TRPM4: variants seen among roughly 807,000 people sequenced by gnomAD.
TRPM4 encodes transient receptor potential cation channel subfamily M member 4, also known as calcium-activated non-selective cation channel 1.
Under a neutral mutation model 135.6 loss-of-function variants are expected in TRPM4, and 124 were observed. That is an observed-to-expected ratio of 0.91 (90% CI 0.79 to 1.06). The LOEUF is 1.06. Among genes scored for constraint, TRPM4 ranks in the 50% least tolerant of loss-of-function variants. The pLI is 0.00. For missense variants in TRPM4, 1,658 were observed against 1,671.4 expected, an observed-to-expected ratio of 0.99 and a Z score of 0.14; for synonymous variants, 745 against 705.6, an observed-to-expected ratio of 1.06 and a Z score of -0.88.
rs1968656938 is a variant in TRPM4 at position 49,196,660 on chromosome 19, G to A, written c.2431G>A (p.Gly811Ser). Residue 811 changes from glycine (G) to serine (S), a missense_variant, in exon 17 of 25, where the codon GGC becomes AGC. Gly to Ser is a moderately conservative substitution (Grantham distance 56). Coordinates refer to ENST00000252826, the MANE Select transcript of TRPM4 (RefSeq NM_017636.4). ...CGTGGATTTCCAGCCGGCGCCGCCC[G>A]GCTCCCTGGAGCTGCTGCTCTATTT... ...LLVDFQPAPP[G>S]SLELLLYFWA... 6.5e-7 allele frequency: 1 copy of A among 1,546,774 alleles called. No homozygotes were observed. Among genetic ancestry groups the A allele is most frequent in the East Asian group, 2.4e-5 (1 of 41,394 alleles).
At chr19:49,209,783 C>G (rs570309018) in intron 20 of TRPM4, among the ~76,000 whole-genome samples, 4 of 132,792 alleles carry the variant, frequency 3.0e-5, no homozygotes, top group African/African-American at 1.1e-4. Context: ...GAGTCTTACT[C>G]TGTCTCCCAG....
intron 2 of TRPM4, among the ~76,000 whole-genome samples, chr19:49,163,205 T>A (rs920078244): frequency 9.9e-5 from 15 of 151,256 alleles, no homozygotes; most frequent in Non-Finnish European, 1.8e-4. Flanking sequence ...ATTATTTTTT[T>A]TTTTTTTTGA....
At chr19:49,169,924 G>A (rs1038177787) in intron 6 of TRPM4, among the ~76,000 whole-genome samples, 2 of 152,066 alleles carry the variant, frequency 1.3e-5, no homozygotes, top group African/African-American at 4.8e-5. Flanking sequence ...GAAAGTTTTT[G>A]ATTTTTGTGT....
chr19:49,173,416 C>T (rs1568463609), intron 9 of TRPM4, among the ~76,000 whole-genome samples: 1 of 152,220 alleles, frequency 6.6e-6, no homozygotes, highest in Non-Finnish European at 1.5e-5. Flanking sequence ...TACCCATCTA[C>T]CCATCCATCT....
In TRPM4 at chr19:49,168,390, G is replaced by A. The variant is rs1967315143; in HGVS notation, c.579G>A (p.Val193=). The A allele has an allele frequency of 6.2e-7, 1 of 1,614,058 alleles. No individual in the cohort carries two copies. The highest frequency in any genetic ancestry group is 1.1e-5 in the South Asian group (1 of 91,082). Residue 193 remains valine, a synonymous_variant, in exon 5 of 25, where the codon GTG becomes GTA. Coordinates refer to ENST00000252826, the MANE Select transcript of TRPM4 (RefSeq NM_017636.4). The part of the protein sequence containing the change: ...VVAMGVAPWG[V]VRNRDTLINP... ...CCATGGGTGTGGCCCCCTGGGGTGT[G>A]GTCCGGAATAGAGACACCCTCATCA...
At chr19:49,164,027 C>T (rs1401546283) in intron 2 of TRPM4, among the ~76,000 whole-genome samples, 1 of 152,128 alleles carries the variant, frequency 6.6e-6, no homozygotes, top group East Asian at 1.9e-4. Flanking sequence ...ATCAGTTAGC[C>T]GTTCTTTTAG....
chr19:49,173,977 T>C (rs2122854876), intron 9 of TRPM4, among the ~76,000 whole-genome samples: 1 of 151,874 alleles, frequency 6.6e-6, no homozygotes, highest in South Asian at 2.1e-4. Context: ...CCTCCTTTAT[T>C]TAGTCAACAA....
At chr19:49,189,492 T>A (rs1418827873) in intron 14 of TRPM4, among the ~76,000 whole-genome samples, 1 of 148,918 alleles carries the variant, frequency 6.7e-6, no homozygotes, top group African/African-American at 2.6e-5. Flanking sequence ...CCTTTAGAGG[T>A]CCCTAGTTTC....
intron 2 of TRPM4, among the ~76,000 whole-genome samples, chr19:49,163,697 A>G (rs1967057731): frequency 6.6e-6 from 1 of 151,940 alleles, no homozygotes; most frequent in Non-Finnish European, 1.5e-5. Flanking sequence ...GTCTCGCTCT[A>G]TTGCCCAGGC....
chr19:49,191,413 C>G (rs923997168), intron 16 of TRPM4, among the ~76,000 whole-genome samples: 1 of 151,998 alleles, frequency 6.6e-6, no homozygotes, highest in African/African-American at 2.4e-5. Flanking sequence ...ACCATGTTGG[C>G]CAGGCTGGTG....
chr19:49,173,981 T>C (rs564861301), intron 9 of TRPM4, among the ~76,000 whole-genome samples: 1 of 151,640 alleles, frequency 6.6e-6, no homozygotes, highest in African/African-American at 2.4e-5. Context: ...CTTTATTTAG[T>C]CAACAAATAC....
Position 49,190,757 on chromosome 19 carries a change from G to A in TRPM4, c.2194G>A (p.Gly732Arg), listed in dbSNP as rs1460978899. ...LEFDMDSVIN[G>R]EGPVGTADPA... ...GTTTGACATGGATAGTGTCATTAAT[G>A]GGGAAGGGCCTGTCGGGTGAGTGGA... Residue 732 changes from glycine (G) to arginine (R), a missense_variant, in exon 16 of 25, where the codon GGG (glycine) becomes AGG (arginine). Gly to Arg is a moderately radical substitution (Grantham distance 125). Transcript: ENST00000252826. 3.7e-6 allele frequency: 6 copies of A among 1,614,182 alleles called. No individual in the cohort carries two copies. In the East Asian group the frequency reaches 1.3e-4, roughly 36 times the overall value.
chr19:49,209,675 T>C (rs1329544975), intron 20 of TRPM4, among the ~76,000 whole-genome samples: 3 of 151,642 alleles, frequency 2.0e-5, no homozygotes, highest in Non-Finnish European at 1.5e-5. Context: ...GACTTCAACC[T>C]CCACCTTATA....
intron 2 of TRPM4, among the ~76,000 whole-genome samples, chr19:49,164,909 A>AT (rs201460571): frequency 0.013 from 2,011 of 150,208 alleles, 39 homozygotes; most frequent in Middle Eastern, 0.028. Context: ...ATTTTATTTT[A>AT]TTTATTTATT....
intron 20 of TRPM4, among the ~76,000 whole-genome samples, chr19:49,203,125 TCG>T (rs1969002189): frequency 6.6e-6 from 1 of 150,604 alleles, no homozygotes. Flanking sequence ...TCTCCTGACC[TCG>T]TGATCCACCC....
At chr19:49,187,074 G>A (rs1325069940) in intron 12 of TRPM4, among the ~76,000 whole-genome samples, 2 of 152,106 alleles carry the variant, frequency 1.3e-5, no homozygotes, top group Non-Finnish European at 2.9e-5. Context: ...CACCAGGAAT[G>A]TGTGTCTTTG....
chr19:49,197,387 CTCTTT>C (rs1215754982), intron 17 of TRPM4, among the ~76,000 whole-genome samples: 38 of 118,296 alleles, frequency 3.2e-4, no homozygotes, highest in East Asian at 1.9e-3. Flanking sequence ...TTCTTTCTTT[CTCTTT>C]TCTTTTCCTT....
rs1398619990 is a variant in TRPM4, at chr19:49,211,733, G to A, written c.*235G>A. 1.6e-5 allele frequency: 10 copies of A among 614,402 alleles called. No individual in the cohort carries two copies. The highest frequency in any genetic ancestry group is 2.0e-5 in the Non-Finnish European group (7 of 347,224). 38.1% of individuals were successfully genotyped at this position (614,402 alleles called of 1,614,324 possible). A position where few individuals can be genotyped will look rare whatever the true frequency, so the allele number is the denominator to read the frequency against. On this transcript the variant is annotated 3_prime_UTR_variant, in exon 25 of 25. Transcript: ENST00000252826. The surrounding 1 kb of genome is among the most constrained non-coding windows in gnomAD (Gnocchi z 4.8). ...AGGATCAAGGCCTGGATCCCGGGCC[G>A]TTATCCATCTGGAGGCTGCAGGGTC...
chr19:49,200,530 C>T, intron 18 of TRPM4, 81 bp from the exon 19 acceptor site: 1 of 1,587,194 alleles, frequency 6.3e-7, no homozygotes. Flanking sequence ...CTTTGGGGAG[C>T]AATGGGGCGT....
Sources: allele counts gnomAD v4.1 joint callset (sites outside exome capture counted in the v4.1 genomes callset), GRCh38; gene constraint gnomAD v4.1.1; non-coding constraint Gnocchi (gnomAD v3.1); transcripts MANE v1.5; gene names NCBI Gene and HGNC (gene_info 2026-07-23, HGNC 2026-07-21).